The following ECPAS variants were observed in gnomAD, a reference collection of about 807,000 sequenced individuals.
The protein encoded by ECPAS is Ecm29 proteasome adaptor and scaffold.
Under a neutral mutation model 255.1 loss-of-function variants are expected in ECPAS, and 70 were observed. The observed-to-expected ratio is 0.27, with a 90% confidence interval of 0.23 to 0.33. ECPAS has a LOEUF of 0.33. ECPAS is among the 10% of genes least tolerant of loss of function. ECPAS has a pLI of 1.00. For synonymous variants in ECPAS, 784 were observed against 775.0 expected (o/e 1.01, Z -0.19); for missense variants, 1,817 against 2,206.4 (o/e 0.82, Z 3.54).
Position 111,414,617 on chromosome 9 carries a change from C to T in ECPAS, c.1799G>A (p.Ser600Asn). Residue 600 changes from serine (S) to asparagine (N), a missense_variant, in exon 19 of 50, where the codon AGT becomes AAT. By Grantham distance (46) the Ser-to-Asn change is conservative (BLOSUM62 1). Coordinates refer to ENST00000684092, the MANE Select transcript of ECPAS (RefSeq NM_001364929.1). The stretch of plus-strand genomic sequence containing the variant: ...CTGAGAGGTGGGCACCACCCCCGCA[C>T]TGTGCGCAAGGCACATGCGCAAGTA... ...VLYLRMCLAH[S>N]AGVVPTSQSL... The T allele has an allele frequency of 6.2e-7, 1 of 1,613,804 alleles. No homozygotes were observed. Among genetic ancestry groups the T allele is most frequent in the Non-Finnish European group, 8.5e-7 (1 of 1,179,866 alleles).
chr9:111,391,586 A>G (rs1337920313), intron 29 of ECPAS, among the ~76,000 whole-genome samples, 170 bp downstream of exon 29: 2 of 152,002 alleles, frequency 1.3e-5, no homozygotes, highest in Non-Finnish European at 2.9e-5. Flanking sequence ...CATCTCAAAA[A>G]AAAAAAAAAA....
At chr9:111,383,978 A>T (rs1195478864) in intron 34 of ECPAS, among the ~76,000 whole-genome samples, 1 of 80,620 alleles carries the variant, frequency 1.2e-5, no homozygotes, top group African/African-American at 3.1e-5. Context: ...TATCATCATC[A>T]TCATCATCAT....
At chr9:111,441,242 A>G (rs903362480) in intron 5 of ECPAS, among the ~76,000 whole-genome samples, 5 of 151,246 alleles carry the variant, frequency 3.3e-5, no homozygotes, top group African/African-American at 1.2e-4. Context: ...AGTGGCTCAC[A>G]CCTGTAACCC....
At chr9:111,426,504 G>A (rs987020946) in intron 10 of ECPAS, among the ~76,000 whole-genome samples, 1 of 151,910 alleles carries the variant, frequency 6.6e-6, no homozygotes, top group African/African-American at 2.4e-5. Context: ...TAGGTACTAA[G>A]AGATATAAAA....
chr9:111,432,509 G>T (rs920674013), intron 8 of ECPAS, among the ~76,000 whole-genome samples: 25 of 152,356 alleles, frequency 1.6e-4, no homozygotes, highest in Non-Finnish European at 2.6e-4. Context: ...AGCTACTTGG[G>T]AGGCTGAGGC....
chr9:111,437,161 T>C, intron 6 of ECPAS, 53 bp from the exon 7 acceptor site: 2 of 1,393,782 alleles, frequency 1.4e-6, no homozygotes, highest in Non-Finnish European at 1.9e-6. Flanking sequence ...CATTTACAAC[T>C]ATATATGTAT....
chr9:111,480,834 A>T (rs1295083529), intron 1 of ECPAS, among the ~76,000 whole-genome samples: 1 of 152,216 alleles, frequency 6.6e-6, no homozygotes, highest in African/African-American at 2.4e-5. Flanking sequence ...CAAGGATTGG[A>T]ATTATTTGTT....
rs546614826 is a variant in ECPAS, at chr9:111,483,778, AGCCGCT to A, written c.-83+332_-83+337del. On this transcript the variant is annotated intron_variant, in intron 1 of 49. Coordinates refer to ENST00000684092, the MANE Select transcript of ECPAS (RefSeq NM_001364929.1). ...CTCCCGCAGCCTCGCGCCTCTGCGG[AGCCGCT>A]GCCGCTGCCGCCGCCGCCGTCTGTG... 461 of 178,484 alleles carry A rather than the reference AGCCGCT, an allele frequency of 2.6e-3. 3 individuals are homozygous for A. The highest frequency in any genetic ancestry group is 0.01 in the African/African-American group (418 of 40,826). 11.1% of individuals were successfully genotyped at this position (178,484 alleles called of 1,614,324 possible).
chr9:111,470,887 C>T (rs1046063000), intron 2 of ECPAS, among the ~76,000 whole-genome samples: 17 of 152,054 alleles, frequency 1.1e-4, no homozygotes, highest in African/African-American at 4.1e-4. Flanking sequence ...ACTCCCAACA[C>T]TGAGGTCCAC....
At chr9:111,455,925 T>C (rs913454539) in intron 2 of ECPAS, among the ~76,000 whole-genome samples, 7 of 152,214 alleles carry the variant, frequency 4.6e-5, no homozygotes, top group East Asian at 1.9e-4. Context: ...GGAGTACAAA[T>C]ATATGCTGAA....
chr9:111,430,531 A>T lies in ECPAS; in HGVS notation c.930+16T>A. ...TACTTTTTACGCTGATGTGAGAATAAATCAAAACAACCTACCTCTTTTGTC... is the reference window on the plus strand; with the variant it reads ...TACTTTTTACGCTGATGTGAGAATATATCAAAACAACCTACCTCTTTTGTC... On this transcript the variant is annotated intron_variant, in intron 9 of 49. Transcript: ENST00000684092. The T allele has an allele frequency of 6.6e-7, 1 of 1,518,302 alleles. No homozygotes were observed. The highest frequency in any genetic ancestry group is 9.1e-7 in the Non-Finnish European group (1 of 1,101,930). 94.1% of individuals were successfully genotyped at this position (1,518,302 alleles called of 1,614,324 possible).
intron 31 of ECPAS, among the ~76,000 whole-genome samples, chr9:111,388,184 AAAGAGG>A (rs2098153349): frequency 6.6e-6 from 1 of 151,966 alleles, no homozygotes; most frequent in Non-Finnish European, 1.5e-5. Flanking sequence ...AAACCAAGAC[AAAGAGG>A]TAAATAACAA....
chr9:111,362,138 T>C lies in ECPAS; in HGVS notation c.5412A>G (p.Glu1804=). 1 of 1,605,688 alleles carries C rather than the reference T, an allele frequency of 6.2e-7. No individual in the cohort carries two copies. Residue 1804 remains glutamate, a synonymous_variant, in exon 50 of 50, where the codon GAA becomes GAG. Coordinates refer to ENST00000684092, the MANE Select transcript of ECPAS (RefSeq NM_001364929.1). The stretch of plus-strand genomic sequence containing the variant: ...AAGACTCAATTAGGAGCACTCTGCA[T>C]TCAGATGTCAAACATTCCCACTGTT... The part of the protein sequence containing the change: ...ESKQWECLTS[E]CRVLLIESLA...
Position 111,362,405 on chromosome 9 carries a change from C to T in ECPAS, c.5381-236G>A, listed in dbSNP as rs189942399. 3.4e-3 allele frequency among the ~76,000 whole-genome samples: 515 copies of T among 152,104 alleles called. 3 individuals are homozygous for T. Among genetic ancestry groups the T allele is most frequent in the Non-Finnish European group, 5.7e-3 (390 of 67,998 alleles). On this transcript the variant is annotated intron_variant, in intron 49 of 49. Transcript: ENST00000684092. The stretch of plus-strand genomic sequence containing the variant: ...GCGTAGAGGCACATCAGGGAGTTTC[C>T]TCTCCTTCCCCCAGTATCAGTGGGA...
At chr9:111,483,455 C>T (rs1009243314) in intron 1 of ECPAS, 4 of 959,106 alleles carry the variant, frequency 4.2e-6, no homozygotes, top group Non-Finnish European at 4.9e-6. Flanking sequence ...CCCGGCACCG[C>T]GCGGCGCCCG....
chr9:111,374,134 A>T lies in ECPAS; in HGVS notation c.4111-96T>A, dbSNP rs539872343. The T allele has an allele frequency of 1.1e-4, 100 of 905,076 alleles. No individual in the cohort carries two copies. In the East Asian group the frequency reaches 2.4e-3, roughly 21 times the overall value. The allele number at this position is 905,076 out of a possible 1,614,324, so 56.1% of individuals were successfully genotyped here. On this transcript the variant is annotated intron_variant, in intron 38 of 49. Coordinates refer to ENST00000684092, the MANE Select transcript of ECPAS (RefSeq NM_001364929.1). ...GGTGCCAAAAATTTAAACATATAAA[A>T]TACATGAAGCCTAATACCCCCTCCA...
chr9:111,480,710 T>C (rs10980908), intron 1 of ECPAS, among the ~76,000 whole-genome samples: 9,792 of 152,340 alleles, frequency 0.064, 468 homozygotes, highest in East Asian at 0.21. Context: ...AGTTAAATTA[T>C]TCTAAGGTAT....
chr9:111,430,490 GTTCATGT>G (rs1211670289), intron 9 of ECPAS, 50 bp downstream of exon 9: 13 of 1,031,938 alleles, frequency 1.3e-5, no homozygotes, highest in Non-Finnish European at 3.0e-6. Flanking sequence ...TAAATACGCA[GTTCATGT>G]CAACAAACTA....
chr9:111,378,448 TA>T, intron 36 of ECPAS, 131 bp downstream of exon 36: 1 of 906,482 alleles, frequency 1.1e-6, no homozygotes, highest in Non-Finnish European at 1.6e-6. Context: ...AAAAAAACAG[TA>T]AAACACTGCA....
Sources: allele counts gnomAD v4.1 joint callset (sites outside exome capture counted in the v4.1 genomes callset), GRCh38; gene constraint gnomAD v4.1.1; transcripts MANE v1.5; gene names NCBI Gene and HGNC (gene_info 2026-07-23, HGNC 2026-07-21).